Variants in DAB1 observed in about 807,000 individuals in gnomAD.
The protein encoded by DAB1 is DAB adaptor protein 1.
In DAB1, 15 loss-of-function variants were observed where a neutral mutation model predicts 64.6. The observed-to-expected ratio is 0.23, with a 90% CI of 0.16 to 0.36. The LOEUF is 0.36. DAB1 is among the 10% of genes least tolerant of loss of function. DAB1 has a pLI of 1.00. For synonymous variants in DAB1, 235 were observed against 251.9 expected (o/e 0.93, Z 0.64); for missense variants, 596 against 706.7 (o/e 0.84, Z 1.78).
chr1:57,439,052 C>T (rs572058990), intron 7 of DAB1, among the ~76,000 whole-genome samples: 3 of 152,158 alleles, frequency 2.0e-5, no homozygotes, highest in Non-Finnish European at 4.4e-5. Flanking sequence ...GTGGTTGATT[C>T]AAGGGTGGGT....
At chr1:57,836,414 C>T (rs1181042144) in intron 1 of DAB1, among the ~76,000 whole-genome samples, 4 of 152,164 alleles carry the variant, frequency 2.6e-5, no homozygotes, top group African/African-American at 4.8e-5. Flanking sequence ...CTTGGGTAAG[C>T]CACTCGTCAT....
At chr1:58,137,458 C>T (rs1206604265) in intron 5 of DAB1, among the ~76,000 whole-genome samples, 1 of 152,142 alleles carries the variant, frequency 6.6e-6, no homozygotes, top group Non-Finnish European at 1.5e-5. Context: ...ATCTATCCAT[C>T]TATCCATCCA....
intron 7 of DAB1, among the ~76,000 whole-genome samples, chr1:57,525,424 A>C (rs1282120145): frequency 7.6e-6 from 1 of 131,190 alleles, no homozygotes; most frequent in African/African-American, 2.8e-5. Flanking sequence ...ACTAGTAGAC[A>C]CAGAAAGTTA....
chr1:58,135,507 C>T (rs781662745), intron 5 of DAB1, among the ~76,000 whole-genome samples: 18 of 152,078 alleles, frequency 1.2e-4, no homozygotes, highest in Non-Finnish European at 2.4e-4. Flanking sequence ...CATTTCAATG[C>T]TGACTCATTT....
intron 3 of DAB1, among the ~76,000 whole-genome samples, chr1:58,366,799 A>T (rs879902012): frequency 6.6e-6 from 1 of 152,224 alleles, no homozygotes; most frequent in African/African-American, 2.4e-5. Flanking sequence ...TCACTGTATT[A>T]GTAAGGGTAA....
chr1:58,130,841 G>A (rs1653505236), intron 5 of DAB1, among the ~76,000 whole-genome samples: 1 of 152,086 alleles, frequency 6.6e-6, no homozygotes, highest in Non-Finnish European at 1.5e-5. Flanking sequence ...TTAGTCTGAT[G>A]GGCTTCCCTT....
chr1:58,003,356 T>G (rs912708227), intron 5 of DAB1, among the ~76,000 whole-genome samples: 1 of 152,182 alleles, frequency 6.6e-6, no homozygotes, highest in Non-Finnish European at 1.5e-5. Flanking sequence ...TAGATGGCCC[T>G]CAATTTTATG....
chr1:57,392,849 T>C (rs1682498094), intron 1 of DAB1, among the ~76,000 whole-genome samples: 1 of 152,142 alleles, frequency 6.6e-6, no homozygotes, highest in Non-Finnish European at 1.5e-5. Flanking sequence ...GTCTGTAAAG[T>C]AACAAAGCAC....
At chr1:58,028,970 A>G (rs1194938252) in intron 5 of DAB1, among the ~76,000 whole-genome samples, 4 of 152,194 alleles carry the variant, frequency 2.6e-5, no homozygotes, top group Non-Finnish European at 5.9e-5. Context: ...CAGAAGTGGT[A>G]TGAACGGCTA....
chr1:57,691,369 A>G lies in DAB1; in HGVS notation n.552-41704T>C, dbSNP rs371769907. ...CACCAAGCAGCACTCTGTAAACTGG[A>G]CCTATCAGCACTCTGTAAAATGGAA... On this transcript the variant is annotated intron_variant and non_coding_transcript_variant, in intron 6 of 20. Coordinates refer to the DAB1 transcript ENST00000485760. 2.6e-5 allele frequency among the ~76,000 whole-genome samples: 4 copies of G among 152,268 alleles called. No individual in the cohort carries two copies. The East Asian group carries it at 7.7e-4, about 29-fold the overall frequency.
chr1:57,828,208 G>C (rs1412340402), intron 1 of DAB1, among the ~76,000 whole-genome samples: 1 of 152,064 alleles, frequency 6.6e-6, no homozygotes, highest in Non-Finnish European at 1.5e-5. Flanking sequence ...GCCTTCCAAA[G>C]TGCTGGGATT....
At chr1:57,899,943 T>A (rs565799183) in intron 5 of DAB1, among the ~76,000 whole-genome samples, 5 of 151,754 alleles carry the variant, frequency 3.3e-5, no homozygotes, top group African/African-American at 1.2e-4. Context: ...TTTTCTTTTT[T>A]TTTTTTATTT....
intron 7 of DAB1, among the ~76,000 whole-genome samples, chr1:57,575,407 G>C (rs1047101678): frequency 6.6e-6 from 1 of 152,270 alleles, no homozygotes; most frequent in Middle Eastern, 3.4e-3. Flanking sequence ...GCTAGAAGGT[G>C]CAATTCTCAA....
chr1:57,223,125 C>A (rs1457774628), intron 2 of DAB1, among the ~76,000 whole-genome samples: 6 of 152,114 alleles, frequency 3.9e-5, no homozygotes, highest in African/African-American at 1.2e-4. Flanking sequence ...CTTCCTTTTG[C>A]CGCCAAAATG....
At chr1:58,387,893 A>C (rs1644447050) in intron 3 of DAB1, among the ~76,000 whole-genome samples, 1 of 151,506 alleles carries the variant, frequency 6.6e-6, no homozygotes, top group Non-Finnish European at 1.5e-5. Context: ...CGCCTGGTTA[A>C]TTTTTTTGTA....
At chr1:57,359,775 C>T (rs1679401656) in intron 1 of DAB1, among the ~76,000 whole-genome samples, 1 of 151,924 alleles carries the variant, frequency 6.6e-6, no homozygotes, top group African/African-American at 2.4e-5. Context: ...TGAAATCCTG[C>T]CATTTGTGAC....
chr1:57,837,791 C>T (rs1259497770), intron 1 of DAB1, among the ~76,000 whole-genome samples: 2 of 148,682 alleles, frequency 1.3e-5, no homozygotes, highest in East Asian at 2.0e-4. Flanking sequence ...CCACCTTCAC[C>T]ACCCCCACCT....
At chr1:57,959,066 A>G (rs904189031) in intron 5 of DAB1, among the ~76,000 whole-genome samples, 3 of 152,210 alleles carry the variant, frequency 2.0e-5, no homozygotes, top group African/African-American at 7.2e-5. Context: ...GGCAAGTAGC[A>G]GGCAGAAAGC....
intron 1 of DAB1, among the ~76,000 whole-genome samples, chr1:57,328,792 C>A (rs763270351): frequency 2.0e-5 from 3 of 152,158 alleles, no homozygotes; most frequent in Admixed American, 1.3e-4. Flanking sequence ...TGGCAAAAAA[C>A]TTTTGAGTTT....
Sources: gnomAD v4.1 joint callset for allele counts (sites outside exome capture counted in the v4.1 genomes callset) on GRCh38, gnomAD v4.1.1 for gene constraint, MANE v1.5 for transcripts, NCBI Gene and HGNC (gene_info 2026-07-23, HGNC 2026-07-21) for gene names.